ALPK2: variants seen among roughly 807,000 people sequenced by gnomAD.
ALPK2 encodes the protein alpha-protein kinase 2.
In ALPK2, 127 loss-of-function variants were observed where a neutral mutation model predicts 163.1. The ratio of observed to expected loss-of-function variants is 0.78; its 90% CI spans 0.67 to 0.90. ALPK2 has a LOEUF of 0.90. Among genes scored for constraint, ALPK2 ranks in the 40% least tolerant of loss-of-function variants. The pLI is 0.00. For missense variants in ALPK2, 2,360 were observed against 2,589.6 expected, an observed-to-expected ratio of 0.91 and a Z score of 1.92; for synonymous variants, 953 against 959.1, an observed-to-expected ratio of 0.99 and a Z score of 0.12.
intron 4 of ALPK2, among the ~76,000 whole-genome samples, chr18:58,558,089 T>G (rs533720988): frequency 6.6e-6 from 1 of 152,346 alleles, no homozygotes; most frequent in African/African-American, 2.4e-5. Flanking sequence ...TTAATTTTAA[T>G]TAATGTGCAT....
In ALPK2 at chr18:58,538,111, T is replaced by C. The variant is rs2051666117; in HGVS notation, c.2076A>G (p.Ser692=). The C allele has an allele frequency of 1.2e-6, 2 of 1,614,016 alleles. No individual in the cohort carries two copies. Among genetic ancestry groups the C allele is most frequent in the South Asian group, 2.2e-5 (2 of 91,086 alleles). ...PFTGTTTISF[S]NLGGVHKENA... The stretch of plus-strand genomic sequence containing the variant: ...TTTCCTTGTGGACCCCTCCTAAGTT[T>C]GAGAAGGAAATTGTTGTGGTCCCAG... The change falls in exon 5 of 13, where the codon TCA becomes TCG. Residue 692 remains serine (S), a synonymous_variant. Transcript: ENST00000361673.
chr18:58,594,631 C>T (rs1005932541), intron 3 of ALPK2, among the ~76,000 whole-genome samples: 2 of 152,208 alleles, frequency 1.3e-5, no homozygotes, highest in Non-Finnish European at 1.5e-5. Flanking sequence ...TCATCAAACA[C>T]CCAGCACGCC....
chr18:58,574,519 A>C (rs12959815), intron 4 of ALPK2, among the ~76,000 whole-genome samples: 54,820 of 150,646 alleles, frequency 0.36, 9,959 homozygotes, highest in East Asian at 0.42. Flanking sequence ...TGGACCGGTA[A>C]CTGTCTGTCT....
intron 12 of ALPK2, among the ~76,000 whole-genome samples, chr18:58,490,406 A>G (rs1482453085): frequency 1.3e-5 from 2 of 152,190 alleles, no homozygotes; most frequent in Admixed American, 1.3e-4. Flanking sequence ...CGCCTGGTCC[A>G]GGTGGTGCAG....
At chr18:58,576,776 A>G (rs941123083) in intron 4 of ALPK2, among the ~76,000 whole-genome samples, 18 of 152,366 alleles carry the variant, frequency 1.2e-4, no homozygotes, top group Non-Finnish European at 2.6e-4. Flanking sequence ...TAAACACCAC[A>G]GATAGAAAGA....
Position 58,614,786 on chromosome 18 carries a change from C to T in ALPK2, c.-20-2969G>A, listed in dbSNP as rs189486250. 5.3e-5 allele frequency among the ~76,000 whole-genome samples: 8 copies of T among 152,274 alleles called. No homozygotes were observed. In the East Asian group the frequency reaches 1.5e-3, roughly 29 times the overall value. On this transcript the variant is annotated intron_variant, in intron 1 of 12. Coordinates refer to ENST00000361673, the MANE Select transcript of ALPK2 (RefSeq NM_052947.4). ...ACACAATTTACTCATTTAAGTTGTA[C>T]AATTCAATGGCTTTCACTATATTCA...
In ALPK2 at chr18:58,536,216, T is replaced by A; in HGVS notation, c.3971A>T (p.His1324Leu). 3.7e-6 allele frequency: 6 copies of A among 1,614,212 alleles called. No homozygotes were observed. The highest frequency in any genetic ancestry group is 4.2e-6 in the Non-Finnish European group (5 of 1,180,022). Residue 1324 changes from histidine to leucine, a missense_variant, in exon 5 of 13, where the codon CAT (histidine) becomes CTT (leucine). Physicochemically the swap from His to Leu is moderately conservative, Grantham distance 99. Coordinates refer to ENST00000361673, the MANE Select transcript of ALPK2 (RefSeq NM_052947.4). ...HKGEEPTISVHWRSLSSRGFS... is the reference protein window; with the variant it reads ...HKGEEPTISVLWRSLSSRGFS... ...ACCCCGGGAAGAAAGACTTCTCCAATGTACACTGATGGTGGGCTCTTCGCC... is the reference window on the plus strand; with the variant it reads ...ACCCCGGGAAGAAAGACTTCTCCAAAGTACACTGATGGTGGGCTCTTCGCC...
intron 1 of ALPK2, among the ~76,000 whole-genome samples, chr18:58,628,481 A>G (rs2052243087): frequency 1.3e-5 from 2 of 152,218 alleles, no homozygotes; most frequent in Admixed American, 1.3e-4. Context: ...ACATGATGTG[A>G]AAGAAACTGT....
In ALPK2 at chr18:58,582,429, G is replaced by A. The variant is rs1270492696; in HGVS notation, c.228-1881C>T. ...TCTCAAAGCCATTCTGATGCAAATT[G>A]TCCTTGGCCTACCCTTGGAGACAGC... On this transcript the variant is annotated intron_variant, in intron 3 of 12. Coordinates refer to ENST00000361673, the MANE Select transcript of ALPK2 (RefSeq NM_052947.4). Among the ~76,000 whole-genome samples the A allele has an allele frequency of 2.0e-5, 3 of 152,198 alleles. No individual in the cohort carries two copies. In the East Asian group the frequency reaches 5.8e-4, roughly 29 times the overall value.
chr18:58,613,822 C>T (rs1204948920), intron 1 of ALPK2, among the ~76,000 whole-genome samples: 1 of 151,970 alleles, frequency 6.6e-6, no homozygotes, highest in African/African-American at 2.4e-5. Flanking sequence ...GCCCACCTTG[C>T]TTGGTGGATG....
rs116989601 is a variant in ALPK2 at position 58,591,541 on chromosome 18, G to C, written c.228-10993C>G. Reference sequence around the variant, plus strand: ...ATAAGGATTCAGGTGTTGGGGGCATGCAAGATAATGAAGGGAGGTTTCCTG... The same window carrying C: ...ATAAGGATTCAGGTGTTGGGGGCATCCAAGATAATGAAGGGAGGTTTCCTG... On this transcript the variant is annotated intron_variant, in intron 3 of 12. Coordinates refer to ENST00000361673, the MANE Select transcript of ALPK2 (RefSeq NM_052947.4). Among the ~76,000 whole-genome samples, 230 of 152,294 alleles carry C rather than the reference G, an allele frequency of 1.5e-3. 3 individuals are homozygous for C. The East Asian group carries it at 0.04, about 26-fold the overall frequency.
intron 3 of ALPK2, among the ~76,000 whole-genome samples, chr18:58,604,219 A>G (rs1254757582): frequency 6.6e-6 from 1 of 152,220 alleles, no homozygotes; most frequent in East Asian, 1.9e-4. Flanking sequence ...GATCAAATGC[A>G]GGTGAAGAAA....
At chr18:58,492,639 C>T (rs1474255149) in intron 12 of ALPK2, among the ~76,000 whole-genome samples, 1 of 152,220 alleles carries the variant, frequency 6.6e-6, no homozygotes, top group Non-Finnish European at 1.5e-5. Flanking sequence ...TAGACGTTCT[C>T]TCTGTTCAGA....
chr18:58,579,472 G>A lies in ALPK2; in HGVS notation c.1304C>T (p.Pro435Leu). 2 of 1,614,024 alleles carry A rather than the reference G, an allele frequency of 1.2e-6. No individual in the cohort carries two copies. The highest frequency in any genetic ancestry group is 1.7e-6 in the Non-Finnish European group (2 of 1,180,010). The change falls in exon 4 of 13, where the codon CCT becomes CTT. Residue 435 changes from proline (P) to leucine (L), a missense_variant. Coordinates refer to ENST00000361673, the MANE Select transcript of ALPK2 (RefSeq NM_052947.4). ...CACTGAAGACGTTCCATCCTGGTGA[G>A]GTCCCAAAATGAGAGTCATCCCTGT... ...PQTGMTLILGPHQDGTSSVTE... is the reference protein window; with the variant it reads ...PQTGMTLILGLHQDGTSSVTE...
At chr18:58,552,083 C>A (rs2051762937) in intron 4 of ALPK2, among the ~76,000 whole-genome samples, 1 of 152,130 alleles carries the variant, frequency 6.6e-6, no homozygotes, top group Admixed American at 6.5e-5. Context: ...GTTTTTAAAT[C>A]ATCACTTTAA....
chr18:58,594,168 T>G (rs1203723596), intron 3 of ALPK2, among the ~76,000 whole-genome samples: 1 of 152,034 alleles, frequency 6.6e-6, no homozygotes, highest in Non-Finnish European at 1.5e-5. Context: ...TGGGGAGCGG[T>G]TTCCTGGCTT....
chr18:58,580,699 G>T (rs1234554991), intron 3 of ALPK2, 151 bp from the exon 4 acceptor site: 43 of 756,308 alleles, frequency 5.7e-5, no homozygotes, highest in Non-Finnish European at 7.8e-5. Context: ...GTGGCCAAAG[G>T]CAACTGACCT....
rs768610450 is a variant in ALPK2, at chr18:58,536,110, C to T, written c.4077G>A (p.Ala1359=). ...KELSVTDSLS[A]ASETGGKENV... is the part of the protein sequence containing the mutation. ...TTTCCTTCCCTCCAGTTTCAGAAGC[C>T]GCTGACAGTGAATCTGTGACAGATA... The change falls in exon 5 of 13, where the codon GCG becomes GCA. Residue 1359 remains alanine (A), a synonymous_variant. Transcript: ENST00000361673. 25 of 1,614,134 alleles carry T rather than the reference C, an allele frequency of 1.5e-5. No homozygotes were observed. In the African/African-American group the frequency reaches 1.7e-4, roughly 11 times the overall value.
chr18:58,612,747 C>A (rs116612211), intron 1 of ALPK2, among the ~76,000 whole-genome samples: 78 of 152,344 alleles, frequency 5.1e-4, no homozygotes, highest in African/African-American at 1.8e-3. Context: ...TCCACGCTAC[C>A]GCTACCGGCA....
Sources: allele counts gnomAD v4.1 joint callset (sites outside exome capture counted in the v4.1 genomes callset), GRCh38; gene constraint gnomAD v4.1.1; transcripts MANE v1.5; gene names NCBI Gene and HGNC (gene_info 2026-07-23, HGNC 2026-07-21).